PRKN: variants seen among roughly 807,000 people sequenced by gnomAD.
The protein encoded by PRKN is parkin RBR E3 ubiquitin protein ligase.
In PRKN, 56 loss-of-function variants were observed where a neutral mutation model predicts 59.5. The ratio of observed to expected loss-of-function variants is 0.94; its 90% CI spans 0.76 to 1.18. The LOEUF (loss-of-function observed/expected upper bound fraction) is 1.18, where lower values mean the gene tolerates loss of function less well. Among genes scored for constraint, PRKN ranks in the 50% most tolerant of loss-of-function variants. The pLI, the probability that PRKN is intolerant of heterozygous loss-of-function variation, is 0.00. For missense variants in PRKN, 657 were observed against 596.4 expected, an observed-to-expected ratio of 1.10 and a Z score of -1.06; for synonymous variants, 250 against 222.1, an observed-to-expected ratio of 1.13 and a Z score of -1.12.
chr6:161,883,513 G>A (rs923285881), intron 6 of PRKN, among the ~76,000 whole-genome samples: 3 of 151,312 alleles, frequency 2.0e-5, no homozygotes, highest in African/African-American at 4.9e-5. Context: ...GGGAAGGTGG[G>A]GAGGGGAGGG....
intron 10 of PRKN, among the ~76,000 whole-genome samples, chr6:161,367,358 T>C (rs1441638290): frequency 6.6e-6 from 1 of 151,764 alleles, no homozygotes; most frequent in Non-Finnish European, 1.5e-5. Context: ...TCTTTTGCAG[T>C]GGGGGTGGGG....
intron 9 of PRKN, among the ~76,000 whole-genome samples, chr6:161,507,297 T>C (rs2115320904): frequency 6.6e-6 from 1 of 152,294 alleles, no homozygotes; most frequent in South Asian, 2.1e-4. Context: ...TTTGTCTAAG[T>C]ATCTTTTCAG....
intron 1 of PRKN, among the ~76,000 whole-genome samples, chr6:162,710,374 A>ACACACAC (rs1778486499): frequency 1.6e-5 from 2 of 125,242 alleles, no homozygotes; most frequent in Admixed American, 8.0e-5. Flanking sequence ...ACCCCCTACA[A>ACACACAC]ACACACACAC....
In PRKN at chr6:161,680,758, TATATATATATA is replaced by T. The variant is rs1252011800; in HGVS notation, c.871+105003_871+105013del. Among the ~76,000 whole-genome samples, 143 of 18,500 alleles carry T rather than the reference TATATATATATA, an allele frequency of 7.7e-3. 6 individuals carry two copies. Among genetic ancestry groups the T allele is most frequent in the African/African-American group, 0.018 (113 of 6,440 alleles). 12.1% of individuals were successfully genotyped at this position (18,500 alleles called of 152,430 possible). ...ATATATATATATATATATATATATA[TATATATATATA>T]TATATATTTTTTTTTTTTTTTCTTT... is the stretch of plus-strand genomic sequence containing the variant. On this transcript the variant is annotated intron_variant, in intron 7 of 11. Coordinates refer to ENST00000366898, the MANE Select transcript of PRKN (RefSeq NM_004562.3).
intron 1 of PRKN, among the ~76,000 whole-genome samples, chr6:162,451,333 A>G (rs541548654): frequency 1.6e-3 from 236 of 151,630 alleles, no homozygotes; most frequent in Non-Finnish European, 2.6e-3. Context: ...ACAAAATTTT[A>G]AAGGAGCTAG....
At chr6:162,548,859 C>T (rs750574368) in intron 1 of PRKN, among the ~76,000 whole-genome samples, 4 of 152,164 alleles carry the variant, frequency 2.6e-5, no homozygotes, top group East Asian at 1.9e-4. Context: ...AAATAACTCT[C>T]GGGTGCTTTT....
At chr6:161,775,333 C>G (rs1156989338) in intron 7 of PRKN, among the ~76,000 whole-genome samples, 1 of 152,016 alleles carries the variant, frequency 6.6e-6, no homozygotes, top group Non-Finnish European at 1.5e-5. Flanking sequence ...ACCTCAGCCT[C>G]CCAAGCTCAA....
At chr6:162,019,279 G>A (rs1783043314) in intron 5 of PRKN, among the ~76,000 whole-genome samples, 1 of 152,160 alleles carries the variant, frequency 6.6e-6, no homozygotes, top group Non-Finnish European at 1.5e-5. Flanking sequence ...CTGCATGCCT[G>A]TGTGTTGAAT....
chr6:162,435,564 A>G (rs1789729602), intron 2 of PRKN, among the ~76,000 whole-genome samples: 1 of 152,202 alleles, frequency 6.6e-6, no homozygotes, highest in South Asian at 2.1e-4. Flanking sequence ...TCCCAAAGTG[A>G]GCATTTGCCC....
At chr6:162,022,735 G>T (rs1442975821) in intron 5 of PRKN, among the ~76,000 whole-genome samples, 2 of 152,040 alleles carry the variant, frequency 1.3e-5, no homozygotes, top group Non-Finnish European at 2.9e-5. Flanking sequence ...ACTTACCTAG[G>T]TCAGTGTCCA....
chr6:161,864,844 C>T (rs1371116171), intron 6 of PRKN, among the ~76,000 whole-genome samples: 6 of 151,802 alleles, frequency 4.0e-5, no homozygotes, highest in Admixed American at 2.0e-4. Flanking sequence ...TTAGTAGAGA[C>T]GGGGTTTCAC....
intron 6 of PRKN, among the ~76,000 whole-genome samples, chr6:161,798,774 T>A (rs1790957100): frequency 6.6e-6 from 1 of 152,262 alleles, no homozygotes; most frequent in African/African-American, 2.4e-5. Flanking sequence ...GTTTTAAGGC[T>A]CCTTTGTTCT....
intron 9 of PRKN, among the ~76,000 whole-genome samples, chr6:161,465,259 A>G (rs769071202): frequency 6.6e-6 from 1 of 152,204 alleles, no homozygotes; most frequent in South Asian, 2.1e-4. Flanking sequence ...TTTGGTAATA[A>G]TGATGACTTC....
At chr6:161,573,795 T>TATATATATAA (rs1562535146) in intron 7 of PRKN, among the ~76,000 whole-genome samples, 5 of 98,630 alleles carry the variant, frequency 5.1e-5, no homozygotes, top group African/African-American at 7.7e-5. Flanking sequence ...TATATATATA[T>TATATATATAA]AAAACTTCAT....
At chr6:161,392,005 T>C (rs576484849) in intron 9 of PRKN, among the ~76,000 whole-genome samples, 1 of 152,148 alleles carries the variant, frequency 6.6e-6, no homozygotes, top group Non-Finnish European at 1.5e-5. Context: ...GATATACACA[T>C]ATATATGCAT....
At chr6:162,345,755 A>G (rs1466685643) in intron 2 of PRKN, among the ~76,000 whole-genome samples, 3 of 152,200 alleles carry the variant, frequency 2.0e-5, no homozygotes, top group Admixed American at 6.5e-5. Context: ...TTATCGTTAT[A>G]TTCTTTTGAG....
At chr6:161,795,302 G>A (rs913647758) in intron 6 of PRKN, among the ~76,000 whole-genome samples, 8 of 138,470 alleles carry the variant, frequency 5.8e-5, no homozygotes, top group African/African-American at 1.4e-4. Context: ...GCGCAATCTC[G>A]GCTCACTGTA....
At chr6:161,350,947 TA>T (rs1219185818) in intron 11 of PRKN, among the ~76,000 whole-genome samples, 2 of 77,306 alleles carry the variant, frequency 2.6e-5, no homozygotes, top group African/African-American at 1.2e-4. Context: ...AAATATATTT[TA>T]TATATTTATA....
chr6:161,430,707 C>T (rs1316215143), intron 9 of PRKN, among the ~76,000 whole-genome samples: 5 of 146,226 alleles, frequency 3.4e-5, no homozygotes, highest in Admixed American at 2.1e-4. Context: ...CCCAGCTACT[C>T]GGGAGGCTGA....
Sources: allele counts gnomAD v4.1 joint callset (sites outside exome capture counted in the v4.1 genomes callset), GRCh38; gene constraint gnomAD v4.1.1; transcripts MANE v1.5; gene names NCBI Gene and HGNC (gene_info 2026-07-23, HGNC 2026-07-21).